FIRRM: variants seen among roughly 807,000 people sequenced by gnomAD.
The protein encoded by FIRRM is FIGNL1 interacting regulator of recombination and mitosis.
chr1:169,853,801 C>CCTT, the FIRRM span: 1 of 1,601,478 alleles, frequency 6.2e-7, no homozygotes, highest in African/African-American at 1.4e-5. Context: ...CACCAAGAAC[C>CCTT]CACTGAAACA....
the FIRRM span, chr1:169,842,446 A>G: frequency 6.2e-7 from 1 of 1,613,856 alleles, no homozygotes; most frequent in Non-Finnish European, 8.5e-7. Flanking sequence ...TGCTTGCAGT[A>G]TGTAATTCTG....
chr1:169,821,754 G>T, the FIRRM span: 1 of 1,595,086 alleles, frequency 6.3e-7, no homozygotes. Context: ...TTTGCACTAC[G>T]CTAAGGTAAG....
chr1:169,810,286 T>TA, the FIRRM span, among the ~76,000 whole-genome samples: 1 of 152,234 alleles, frequency 6.6e-6, no homozygotes, highest in African/African-American at 2.4e-5. Context: ...ATTTAATTAA[T>TA]ATTACACTAT....
At chr1:169,852,897 G>C in the FIRRM span, 1 of 1,614,148 alleles carries the variant, frequency 6.2e-7, no homozygotes. Context: ...TACTCCAAAA[G>C]GGTCCTGCTC....
At chr1:169,791,709 A>G in the FIRRM span, among the ~76,000 whole-genome samples, 2 of 152,248 alleles carry the variant, frequency 1.3e-5, no homozygotes, top group Non-Finnish European at 2.9e-5. Context: ...GCAAGATACT[A>G]TACAAAGTCC....
chr1:169,786,112 G>A, the FIRRM span, among the ~76,000 whole-genome samples: 1 of 152,072 alleles, frequency 6.6e-6, no homozygotes, highest in African/African-American at 2.4e-5. Flanking sequence ...AACACAAAGA[G>A]GGAGGTTATA....
the FIRRM span, among the ~76,000 whole-genome samples, chr1:169,833,843 TTCC>T: frequency 2.7e-4 from 36 of 135,128 alleles, no homozygotes; most frequent in Middle Eastern, 3.7e-3. Flanking sequence ...GAAAGTCACT[TTCC>T]TTTTTTTTTT....
chr1:169,786,081 G>A, the FIRRM span, among the ~76,000 whole-genome samples: 1 of 152,014 alleles, frequency 6.6e-6, no homozygotes, highest in African/African-American at 2.4e-5. Context: ...TAAGACACAA[G>A]AGTTTCTGAA....
the FIRRM span, among the ~76,000 whole-genome samples, chr1:169,790,290 G>A: frequency 3.3e-5 from 5 of 151,956 alleles, no homozygotes; most frequent in South Asian, 2.1e-4. Context: ...TGCTTCTCAC[G>A]ATTCTCTTGT....
the FIRRM span, among the ~76,000 whole-genome samples, chr1:169,840,155 G>A: frequency 2.0e-5 from 3 of 152,278 alleles, no homozygotes; most frequent in Admixed American, 1.3e-4. Context: ...GTCAAGTCAC[G>A]TGATGCCTCT....
chr1:169,784,077 T>A, the FIRRM span: 1 of 153,666 alleles, frequency 6.5e-6, no homozygotes, highest in African/African-American at 2.4e-5. Context: ...AGAGCCACCA[T>A]GCCTGGCCAT....
At chr1:169,807,593 A>G in the FIRRM span, among the ~76,000 whole-genome samples, 10 of 152,238 alleles carry the variant, frequency 6.6e-5, no homozygotes, top group African/African-American at 2.4e-4. Context: ...TATTTTACAC[A>G]GAGAAAAAAT....
chr1:169,804,361 TACCAA>T, the FIRRM span: 1 of 833,440 alleles, frequency 1.2e-6, no homozygotes, highest in Non-Finnish European at 1.7e-6. Flanking sequence ...ATTTAAATCT[TACCAA>T]ATAAATTTTT....
chr1:169,796,941 G>C, the FIRRM span, among the ~76,000 whole-genome samples: 1 of 152,176 alleles, frequency 6.6e-6, no homozygotes, highest in South Asian at 2.1e-4. Context: ...ATCTTAGGCA[G>C]TTCCCCCAAA....
the FIRRM span, among the ~76,000 whole-genome samples, chr1:169,818,848 G>C: frequency 6.6e-6 from 1 of 152,036 alleles, no homozygotes; most frequent in African/African-American, 2.4e-5. Flanking sequence ...CACCACACCT[G>C]GCTAATTTTT....
the FIRRM span, chr1:169,847,844 ATCTC>A: frequency 7.2e-7 from 1 of 1,382,182 alleles, no homozygotes; most frequent in South Asian, 1.2e-5. Flanking sequence ...TTAAAACAAA[ATCTC>A]TATAAGAGTT....
the FIRRM span, among the ~76,000 whole-genome samples, chr1:169,842,171 T>C: frequency 1.1e-4 from 16 of 144,250 alleles, no homozygotes; most frequent in African/African-American, 4.1e-4. Context: ...TGAGATGCCA[T>C]CTCAAAAAAA....
At chr1:169,852,082 G>T in the FIRRM span, 1 of 1,126,500 alleles carries the variant, frequency 8.9e-7, no homozygotes, top group East Asian at 2.6e-5. Context: ...CTGTTTTATG[G>T]TAGTTGCTTT....
At chr1:169,828,104 TA>T in the FIRRM span, among the ~76,000 whole-genome samples, 1 of 152,216 alleles carries the variant, frequency 6.6e-6, no homozygotes, top group Non-Finnish European at 1.5e-5. Flanking sequence ...ACATTGATTG[TA>T]ATAGAGTAGC....
Sources: allele counts gnomAD v4.1 joint callset (sites outside exome capture counted in the v4.1 genomes callset), GRCh38; gene constraint gnomAD v4.1.1; transcripts MANE v1.5; gene names NCBI Gene and HGNC (gene_info 2026-07-23, HGNC 2026-07-21).